Variants in ARFGEF1 observed in about 807,000 individuals in gnomAD.
ARFGEF1 encodes brefeldin A-inhibited guanine nucleotide-exchange protein 1.
In ARFGEF1, 42 loss-of-function variants were observed where a neutral mutation model predicts 231.0. The observed-to-expected ratio is 0.18, with a 90% CI of 0.14 to 0.24. The LOEUF (loss-of-function observed/expected upper bound fraction) is 0.24. Among genes scored for constraint, ARFGEF1 ranks in the 10% least tolerant of loss-of-function variants. ARFGEF1 has a pLI of 1.00. For synonymous variants in ARFGEF1, 710 were observed against 732.3 expected, an observed-to-expected ratio of 0.97 and a Z score of 0.49; for missense variants, 1,345 against 2,192.0, an observed-to-expected ratio of 0.61 and a Z score of 7.72.
At chr8:67,212,930 C>A (rs916997021) in intron 33 of ARFGEF1, among the ~76,000 whole-genome samples, 2 of 152,066 alleles carry the variant, frequency 1.3e-5, no homozygotes, top group African/African-American at 4.8e-5. Flanking sequence ...AAAACTAGGT[C>A]AAAAAATTAG....
chr8:67,255,998 A>G (rs1252216172), intron 17 of ARFGEF1, among the ~76,000 whole-genome samples: 2 of 152,278 alleles, frequency 1.3e-5, no homozygotes, highest in Non-Finnish European at 2.9e-5. Context: ...ACAGGTGCAT[A>G]TAATATTGCT....
At chr8:67,298,750 G>A (rs76012516) in intron 4 of ARFGEF1, among the ~76,000 whole-genome samples, 3,005 of 152,168 alleles carry the variant, frequency 0.02, 57 homozygotes, top group Non-Finnish European at 0.033. Context: ...ATGGAGTCTA[G>A]AAAGCATCCA....
At chr8:67,195,774 TTTATA>T (rs1837821807), downstream of ARFGEF1, 2 of 588,926 alleles carry the variant, frequency 3.4e-6, no homozygotes, top group Non-Finnish European at 6.1e-6. Context: ...TGATTATTGA[TTTATA>T]TAATAGAATT....
At chr8:67,276,460 G>A (rs1805317887) in intron 8 of ARFGEF1, among the ~76,000 whole-genome samples, 1 of 151,284 alleles carries the variant, frequency 6.6e-6, no homozygotes, top group African/African-American at 2.5e-5. Context: ...GTCACTGACT[G>A]TTTTATTTTA....
intron 1 of ARFGEF1, among the ~76,000 whole-genome samples, chr8:67,337,142 A>C (rs923570030): frequency 7.3e-5 from 11 of 151,704 alleles, no homozygotes; most frequent in Non-Finnish European, 1.5e-4. Flanking sequence ...AAAAAAAAAA[A>C]AAAAAAAAAC....
At chr8:67,239,023 T>C (rs1839852109) in intron 20 of ARFGEF1, 130 bp from the exon 21 acceptor site, 1 of 764,052 alleles carries the variant, frequency 1.3e-6, no homozygotes, top group Admixed American at 3.4e-5. Flanking sequence ...TTATTAATTT[T>C]TGAGACAGAG....
At chr8:67,342,588 T>C (rs1246359081) in intron 1 of ARFGEF1, among the ~76,000 whole-genome samples, 2 of 151,788 alleles carry the variant, frequency 1.3e-5, no homozygotes, top group Non-Finnish European at 2.9e-5. Flanking sequence ...TCAGATACAA[T>C]ATTACTCTAT....
At chr8:67,319,184 T>C (rs1807464491) in intron 1 of ARFGEF1, among the ~76,000 whole-genome samples, 1 of 152,188 alleles carries the variant, frequency 6.6e-6, no homozygotes, top group African/African-American at 2.4e-5. Flanking sequence ...CCACTGCCAA[T>C]CAAAATTCTA....
intron 3 of ARFGEF1, among the ~76,000 whole-genome samples, chr8:67,300,168 C>G (rs937276446): frequency 6.6e-6 from 1 of 152,086 alleles, no homozygotes; most frequent in African/African-American, 2.4e-5. Context: ...TCAGTATACC[C>G]TGGAAGGAAG....
chr8:67,220,773 G>A (rs574352448), intron 29 of ARFGEF1, among the ~76,000 whole-genome samples: 1 of 152,286 alleles, frequency 6.6e-6, no homozygotes, highest in Non-Finnish European at 1.5e-5. Flanking sequence ...GTAACTGGAT[G>A]CTGCCTCTCA....
intron 5 of ARFGEF1, chr8:67,175,706 C>G: frequency 3.7e-6 from 2 of 544,812 alleles, no homozygotes; most frequent in Non-Finnish European, 6.8e-6. Flanking sequence ...GGCCAGGTGA[C>G]GTCTGCATCA....
chr8:67,325,222 ACT>A (rs1491556286), intron 1 of ARFGEF1, among the ~76,000 whole-genome samples: 3 of 143,670 alleles, frequency 2.1e-5, no homozygotes, highest in Non-Finnish European at 3.0e-5. Flanking sequence ...CGAAAAATCC[ACT>A]TTTTTTTTTT....
At chr8:67,308,489 T>C (rs1032218098) in intron 1 of ARFGEF1, among the ~76,000 whole-genome samples, 4 of 152,190 alleles carry the variant, frequency 2.6e-5, no homozygotes, top group African/African-American at 7.2e-5. Flanking sequence ...CTTAATAAAA[T>C]GCAGCTAGGG....
At chr8:67,282,279 C>T (rs567032056) in intron 7 of ARFGEF1, among the ~76,000 whole-genome samples, 2 of 151,820 alleles carry the variant, frequency 1.3e-5, no homozygotes, top group South Asian at 4.2e-4. Flanking sequence ...AAAAACAGAA[C>T]CATTTAGGAT....
intron 1 of ARFGEF1, among the ~76,000 whole-genome samples, chr8:67,341,402 T>TA (rs1329173982): frequency 7.4e-6 from 1 of 135,296 alleles, no homozygotes; most frequent in Non-Finnish European, 1.5e-5. Context: ...GCCTGGGCGA[T>TA]ATAGAGAGAC....
chr8:67,212,223 T>C (rs942046781), intron 33 of ARFGEF1, among the ~76,000 whole-genome samples: 1 of 152,072 alleles, frequency 6.6e-6, no homozygotes, highest in African/African-American at 2.4e-5. Flanking sequence ...GCTGGGATTA[T>C]AGGCATGCAC....
Position 67,203,266 on chromosome 8 carries a change from C to A in ARFGEF1, c.4960-15G>T. 5 of 1,612,626 alleles carry A rather than the reference C, an allele frequency of 3.1e-6. No individual in the cohort carries two copies. Among genetic ancestry groups the A allele is most frequent in the Non-Finnish European group, 3.4e-6 (4 of 1,179,274 alleles). ...ACCGCATCTCTCTTTGGAAAACAAACCACCCCAGCATATACACACAGTCAC... is the reference window on the plus strand; with the variant it reads ...ACCGCATCTCTCTTTGGAAAACAAAACACCCCAGCATATACACACAGTCAC... On this transcript the variant is annotated splice_polypyrimidine_tract_variant and intron_variant, in intron 35 of 38. Transcript: ENST00000262215.
At chr8:67,195,618 G>C, downstream of ARFGEF1, 1 of 1,599,538 alleles carries the variant, frequency 6.3e-7, no homozygotes, top group Non-Finnish European at 8.6e-7. Context: ...GGACCCAGTA[G>C]TGCCTTTTAA....
Position 67,301,365 on chromosome 8 carries a change from T to C in ARFGEF1, c.171A>G (p.Glu57=), listed in dbSNP as rs772104330. 1.2e-6 allele frequency: 2 copies of C among 1,613,314 alleles called. No individual in the cohort carries two copies. Among genetic ancestry groups the C allele is most frequent in the South Asian group, 2.2e-5 (2 of 90,894 alleles). ...GAAGGGTGCTTGATCCAGCTTTTGC[T>C]TCTCCATGAGGAGGACTAAATGAGA... ...ETEKQSPPHG[E]AKAGSSTLPP... The change falls in exon 3 of 39, where the codon GAA becomes GAG. Residue 57 remains glutamate (E), a synonymous_variant. Coordinates refer to ENST00000262215, the MANE Select transcript of ARFGEF1 (RefSeq NM_006421.5).
Sources: allele counts gnomAD v4.1 joint callset (sites outside exome capture counted in the v4.1 genomes callset), GRCh38; gene constraint gnomAD v4.1.1; transcripts MANE v1.5; gene names NCBI Gene and HGNC (gene_info 2026-07-23, HGNC 2026-07-21).